PTPRG: variants seen among roughly 807,000 people sequenced by gnomAD.
The protein encoded by PTPRG is protein tyrosine phosphatase receptor type G.
In PTPRG, 102 loss-of-function variants were observed where a neutral mutation model predicts 165.3. The observed-to-expected ratio is 0.62, with a 90% CI of 0.53 to 0.73. PTPRG has a LOEUF of 0.73. Ranked by LOEUF, PTPRG falls within the 30% of genes least tolerant of loss-of-function variation. The probability of loss-of-function intolerance (pLI) is 0.00; values close to 1 mark genes in which losing one functional copy is unlikely to be tolerated. For missense variants in PTPRG, 1,866 were observed against 1,861.4 expected, an observed-to-expected ratio of 1.00 and a Z score of -0.05; for synonymous variants, 675 against 669.5, an observed-to-expected ratio of 1.01 and a Z score of -0.13.
At chr3:62,014,399 C>T (rs1016083405) in intron 4 of PTPRG, among the ~76,000 whole-genome samples, 1 of 152,170 alleles carries the variant, frequency 6.6e-6, no homozygotes, top group Admixed American at 6.5e-5. Context: ...TAAATTTCAT[C>T]TCTTGAGTGT....
chr3:61,615,054 C>A (rs1338981205), intron 1 of PTPRG, among the ~76,000 whole-genome samples: 1 of 152,224 alleles, frequency 6.6e-6, no homozygotes, highest in African/African-American at 2.4e-5. Flanking sequence ...CTTTTCCTCG[C>A]TGAACTACTT....
At position 62,231,327 on chromosome 3, in the gene PTPRG, G is replaced by T; in HGVS notation, c.2375+16G>T. 6.5e-7 allele frequency: 1 copy of T among 1,549,268 alleles called. No individual in the cohort carries two copies. Among genetic ancestry groups the T allele is most frequent in the Non-Finnish European group, 8.7e-7 (1 of 1,149,480 alleles). On this transcript the variant is annotated intron_variant, in intron 14 of 29. Coordinates refer to ENST00000474889, the MANE Select transcript of PTPRG (RefSeq NM_002841.4). ...AGGGGAGCAGGTGAGGGGCGGTCAA[G>T]CTTAAGTGGGGGGCGTCTTGATGGC...
At chr3:61,760,098 C>T (rs2033783298) in intron 2 of PTPRG, among the ~76,000 whole-genome samples, 1 of 152,176 alleles carries the variant, frequency 6.6e-6, no homozygotes, top group African/African-American at 2.4e-5. Flanking sequence ...GTACAGCTGG[C>T]TTTCCAATAT....
At chr3:61,880,331 C>G (rs771178033) in intron 2 of PTPRG, among the ~76,000 whole-genome samples, 1 of 152,174 alleles carries the variant, frequency 6.6e-6, no homozygotes, top group Non-Finnish European at 1.5e-5. Flanking sequence ...ACGGACCGGC[C>G]GTGCACAATG....
chr3:61,592,189 A>C (rs1310668276), intron 1 of PTPRG, among the ~76,000 whole-genome samples: 1 of 151,412 alleles, frequency 6.6e-6, no homozygotes, highest in African/African-American at 2.4e-5. Flanking sequence ...GTGGTCTCGA[A>C]CTCCCAACCT....
chr3:62,131,585 A>G (rs1447712198), intron 5 of PTPRG, among the ~76,000 whole-genome samples: 1 of 152,244 alleles, frequency 6.6e-6, no homozygotes, highest in Non-Finnish European at 1.5e-5. Context: ...TTATGTGAGA[A>G]GTGGATTAGA....
At chr3:61,820,603 G>GTTTTTTTTTTTTTTTTT (rs11329820) in intron 2 of PTPRG, among the ~76,000 whole-genome samples, 44 of 65,730 alleles carry the variant, frequency 6.7e-4, no homozygotes, top group African/African-American at 2.4e-3. Flanking sequence ...CTGTGTCTCT[G>GTTTTTTTTTTTTTTTTT]TTTTTTTTTT....
chr3:61,677,082 T>C (rs1703259028), intron 1 of PTPRG, among the ~76,000 whole-genome samples: 1 of 151,778 alleles, frequency 6.6e-6, no homozygotes, highest in Admixed American at 6.6e-5. Context: ...CCATCTCTAC[T>C]AAAAATATAA....
At chr3:62,015,673 G>A (rs1481643962) in intron 4 of PTPRG, among the ~76,000 whole-genome samples, 2 of 152,048 alleles carry the variant, frequency 1.3e-5, no homozygotes, top group South Asian at 2.1e-4. Context: ...GATCCGTCTG[G>A]CTGCACTTGA....
At chr3:61,986,903 A>T (rs995797823) in intron 2 of PTPRG, among the ~76,000 whole-genome samples, 1 of 147,630 alleles carries the variant, frequency 6.8e-6, no homozygotes, top group African/African-American at 2.4e-5. Context: ...AGTTAACCAT[A>T]GTCTTTATTT....
chr3:61,616,739 T>TTGGCA (rs1701308630), intron 1 of PTPRG, among the ~76,000 whole-genome samples: 2 of 152,194 alleles, frequency 1.3e-5, no homozygotes, highest in South Asian at 4.1e-4. Context: ...GTGTGTTGGC[T>TTGGCA]AGATTTCATT....
At chr3:61,689,797 A>G (rs116016733) in intron 1 of PTPRG, among the ~76,000 whole-genome samples, 2,704 of 152,282 alleles carry the variant, frequency 0.018, 36 homozygotes, top group South Asian at 0.05. Flanking sequence ...GAAGAAATCT[A>G]TCTCATTTTG....
chr3:62,218,814 A>G lies in PTPRG; in HGVS notation c.2156-37A>G, dbSNP rs1307530190. On this transcript the variant is annotated intron_variant, in intron 12 of 29. Transcript: ENST00000474889. ...TCAATTCTGGCTCCCACCTCCACTA[A>G]CCTCTGTCCTCTAACTGGGATGATT... The G allele has an allele frequency of 1.9e-6, 3 of 1,595,844 alleles. No individual in the cohort carries two copies. The African/African-American group carries it at 4.0e-5, about 21-fold the overall frequency.
chr3:61,565,183 G>A (rs1699879957), intron 1 of PTPRG, among the ~76,000 whole-genome samples: 1 of 152,184 alleles, frequency 6.6e-6, no homozygotes, highest in African/African-American at 2.4e-5. Flanking sequence ...CCTGGCATGA[G>A]CTTTTTCCCA....
chr3:62,253,110 G>A (rs185170657), intron 15 of PTPRG, among the ~76,000 whole-genome samples: 13 of 152,276 alleles, frequency 8.5e-5, no homozygotes, highest in African/African-American at 3.1e-4. Flanking sequence ...AAAACAATAA[G>A]CAGTTAACCT....
At chr3:62,206,759 C>T (rs940255288) in intron 12 of PTPRG, among the ~76,000 whole-genome samples, 3 of 151,738 alleles carry the variant, frequency 2.0e-5, no homozygotes, top group Non-Finnish European at 4.4e-5. Context: ...ATGGTGAAAC[C>T]CCGTCTCTAG....
chr3:62,240,734 A>AC lies in PTPRG; in HGVS notation c.2376-3071dup, dbSNP rs1388215425. On this transcript the variant is annotated intron_variant, in intron 14 of 29. Coordinates refer to ENST00000474889, the MANE Select transcript of PTPRG (RefSeq NM_002841.4). This position sits in a 1 kb window ranked among gnomAD's most constrained non-coding sequence, Gnocchi z 5.1. Reference sequence around the variant, plus strand: ...CTAAGGCTCTTCAACTAGCTGCTTGACCTGCCTAAAATGGTCTTCCTCCAG... The same window carrying AC: ...CTAAGGCTCTTCAACTAGCTGCTTGACCCTGCCTAAAATGGTCTTCCTCCAG... Among the ~76,000 whole-genome samples, 1 of 152,088 alleles carries AC rather than the reference A, an allele frequency of 6.6e-6. No homozygotes were observed. The highest frequency in any genetic ancestry group is 1.5e-5 in the Non-Finnish European group (1 of 68,012).
intron 2 of PTPRG, among the ~76,000 whole-genome samples, chr3:61,758,238 T>C (rs1382642388): frequency 6.6e-6 from 1 of 152,076 alleles, no homozygotes; most frequent in African/African-American, 2.4e-5. Flanking sequence ...ATTCCCGATT[T>C]AGCCTCTCAA....
intron 1 of PTPRG, among the ~76,000 whole-genome samples, chr3:61,665,802 T>A (rs1004800232): frequency 1.3e-5 from 2 of 152,158 alleles, no homozygotes; most frequent in African/African-American, 2.4e-5. Flanking sequence ...TACTCCAGTC[T>A]GGGCAACAGA....
Sources: gnomAD v4.1 joint callset for allele counts (sites outside exome capture counted in the v4.1 genomes callset) on GRCh38, gnomAD v4.1.1 for gene constraint, Gnocchi (gnomAD v3.1) non-coding constraint, MANE v1.5 for transcripts, NCBI Gene and HGNC (gene_info 2026-07-23, HGNC 2026-07-21) for gene names.